GHR: variants seen among roughly 807,000 people sequenced by gnomAD.
The protein encoded by GHR is growth hormone receptor.
In GHR, 35 loss-of-function variants were observed where a neutral mutation model predicts 67.1. The ratio of observed to expected loss-of-function variants is 0.52; its 90% confidence interval spans 0.40 to 0.69. The LOEUF is 0.69. GHR is among the 30% of genes least tolerant of loss of function. The probability of loss-of-function intolerance (pLI) is 0.00; values close to 1 mark genes in which losing one functional copy is unlikely to be tolerated. For synonymous variants in GHR, 272 were observed against 269.1 expected (o/e 1.01, Z -0.10); for missense variants, 792 against 764.6 (o/e 1.04, Z -0.42).
At chr5:42,586,237 C>A (rs1013371284) in intron 2 of GHR, among the ~76,000 whole-genome samples, 1 of 152,106 alleles carries the variant, frequency 6.6e-6, no homozygotes, top group African/African-American at 2.4e-5. Flanking sequence ...CAATCTATCC[C>A]TGACTCCTAT....
chr5:42,497,442 A>G (rs887347515), intron 1 of GHR, among the ~76,000 whole-genome samples: 4 of 152,184 alleles, frequency 2.6e-5, no homozygotes, highest in African/African-American at 7.2e-5. Flanking sequence ...TATTGGTGAC[A>G]GTATTATCTA....
chr5:42,642,977 C>T (rs187752317), intron 3 of GHR, among the ~76,000 whole-genome samples: 34 of 152,310 alleles, frequency 2.2e-4, no homozygotes, highest in Non-Finnish European at 3.7e-4. Flanking sequence ...GGACACCTAT[C>T]ACTGAATGTA....
intron 2 of GHR, among the ~76,000 whole-genome samples, chr5:42,604,407 G>A (rs776532958): frequency 5.9e-5 from 9 of 152,220 alleles, no homozygotes; most frequent in Non-Finnish European, 1.2e-4. Flanking sequence ...CTTTCCTCCA[G>A]GGAATGGGGC....
chr5:42,533,801 T>A (rs139046514), intron 1 of GHR, among the ~76,000 whole-genome samples: 2,379 of 151,884 alleles, frequency 0.016, 60 homozygotes, highest in African/African-American at 0.055. Flanking sequence ...CACTGCACCA[T>A]ATTTGTTTTC....
chr5:42,474,273 A>AAAAG, intron 1 of GHR, among the ~76,000 whole-genome samples: 10 of 121,692 alleles, frequency 8.2e-5, no homozygotes, highest in African/African-American at 3.0e-4. Context: ...GAAAGAAAGA[A>AAAAG]AGAAAGAAAG....
intron 1 of GHR, among the ~76,000 whole-genome samples, chr5:42,430,636 G>A (rs1743054281): frequency 6.6e-6 from 1 of 151,308 alleles, no homozygotes. Context: ...GTGTGTGTGT[G>A]TATGTGTGTG....
At chr5:42,581,444 A>G (rs1293635418) in intron 2 of GHR, among the ~76,000 whole-genome samples, 5 of 152,214 alleles carry the variant, frequency 3.3e-5, no homozygotes, top group African/African-American at 1.2e-4. Flanking sequence ...CTCTAGAGAC[A>G]GGTTGCTAGT....
At chr5:42,546,509 T>C (rs947204303) in intron 1 of GHR, among the ~76,000 whole-genome samples, 2 of 152,224 alleles carry the variant, frequency 1.3e-5, no homozygotes, top group Non-Finnish European at 2.9e-5. Flanking sequence ...CATAGTCATG[T>C]GACCACAGTT....
At chr5:42,580,907 C>G (rs1192147962) in intron 2 of GHR, among the ~76,000 whole-genome samples, 1 of 152,212 alleles carries the variant, frequency 6.6e-6, no homozygotes, top group Admixed American at 6.5e-5. Flanking sequence ...AATCACTCTC[C>G]TCTCTCCAGT....
chr5:42,668,224 C>T (rs1442169991), intron 3 of GHR, among the ~76,000 whole-genome samples: 1 of 152,090 alleles, frequency 6.6e-6, no homozygotes, highest in Non-Finnish European at 1.5e-5. Context: ...TTTAGATAGG[C>T]AAGGGGGTAG....
chr5:42,637,041 G>A (rs1754229759), intron 3 of GHR, among the ~76,000 whole-genome samples: 1 of 151,916 alleles, frequency 6.6e-6, no homozygotes, highest in Non-Finnish European at 1.5e-5. Flanking sequence ...CTACCTCTGT[G>A]TTTTTTTTCT....
intron 3 of GHR, among the ~76,000 whole-genome samples, chr5:42,638,031 C>T (rs1754287681): frequency 6.6e-6 from 1 of 152,132 alleles, no homozygotes; most frequent in South Asian, 2.1e-4. Context: ...TCTCCGCCTC[C>T]CAGGTTCAAG....
chr5:42,553,995 G>A (rs758600322), intron 1 of GHR, among the ~76,000 whole-genome samples: 4 of 152,034 alleles, frequency 2.6e-5, no homozygotes, highest in African/African-American at 4.8e-5. Context: ...TTCTGCTCAG[G>A]TGGGGGCAAC....
chr5:42,667,666 G>T (rs1267416867), intron 3 of GHR, among the ~76,000 whole-genome samples: 1 of 152,162 alleles, frequency 6.6e-6, no homozygotes, highest in Non-Finnish European at 1.5e-5. Flanking sequence ...TAGCGGTCAG[G>T]TGCCCAAGGA....
rs537711022 is a variant in GHR, at chr5:42,686,503, G to A, written c.137-2387G>A. ...CCCCGATCAAGTCGGCTTCATCCCTGGAATGCAAGGCTGGTTCAACATACA... is the reference window on the plus strand; with the variant it reads ...CCCCGATCAAGTCGGCTTCATCCCTAGAATGCAAGGCTGGTTCAACATACA... On this transcript the variant is annotated intron_variant, in intron 3 of 9. Transcript: ENST00000230882. Among the ~76,000 whole-genome samples, 4 of 152,226 alleles carry A rather than the reference G, an allele frequency of 2.6e-5. No individual in the cohort carries two copies. In the South Asian group the frequency reaches 8.3e-4, roughly 32 times the overall value.
chr5:42,560,632 T>TCA (rs1455259138), intron 1 of GHR, among the ~76,000 whole-genome samples: 1 of 152,210 alleles, frequency 6.6e-6, no homozygotes, highest in Non-Finnish European at 1.5e-5. Flanking sequence ...CCCTTGTCTC[T>TCA]CAGTCTTTGG....
intron 1 of GHR, among the ~76,000 whole-genome samples, chr5:42,489,661 T>G (rs1746029191): frequency 6.6e-6 from 1 of 152,194 alleles, no homozygotes; most frequent in African/African-American, 2.4e-5. Flanking sequence ...TGTTCTATCA[T>G]GTAGAGGGTT....
At chr5:42,549,500 G>T (rs1748907538) in intron 1 of GHR, 1 of 161,272 alleles carries the variant, frequency 6.2e-6, no homozygotes, top group Non-Finnish European at 1.3e-5. Context: ...CTTCACTTGG[G>T]AGTGGGGTTG....
Position 42,445,629 on chromosome 5 carries a change from T to C in GHR, c.-12+21674T>C, listed in dbSNP as rs144606053. Among the ~76,000 whole-genome samples the C allele has an allele frequency of 4.5e-3, 689 of 152,330 alleles. 6 individuals carry two copies. The highest frequency in any genetic ancestry group is 0.016 in the African/African-American group (668 of 41,578). ...ATAAGTTTTCTCAAAATATTCCTGA[T>C]TTATCCTGATGTAAATCACAATTCA... On this transcript the variant is annotated intron_variant, in intron 1 of 9. Coordinates refer to ENST00000230882, the MANE Select transcript of GHR (RefSeq NM_000163.5).
Sources: allele counts gnomAD v4.1 joint callset (sites outside exome capture counted in the v4.1 genomes callset), GRCh38; gene constraint gnomAD v4.1.1; transcripts MANE v1.5; gene names NCBI Gene and HGNC (gene_info 2026-07-23, HGNC 2026-07-21).